The following CCNJL variants were observed in gnomAD, a reference collection of about 807,000 sequenced individuals.
The protein encoded by CCNJL is cyclin-J-like protein.
Under a neutral mutation model 33.4 loss-of-function variants are expected in CCNJL, and 33 were observed. The observed-to-expected ratio is 0.99, with a 90% CI of 0.75 to 1.32. CCNJL has a LOEUF of 1.32. CCNJL is among the 40% of genes most tolerant of loss of function. The probability of loss-of-function intolerance (pLI) is 0.00; values close to 1 mark genes in which losing one functional copy is unlikely to be tolerated. For missense variants in CCNJL, 512 were observed against 499.7 expected, an observed-to-expected ratio of 1.02 and a Z score of -0.23; for synonymous variants, 227 against 220.9, an observed-to-expected ratio of 1.03 and a Z score of -0.24.
chr5:160,330,663 T>G (rs553738401), intron 1 of CCNJL, among the ~76,000 whole-genome samples: 2 of 104,438 alleles, frequency 1.9e-5, no homozygotes, highest in East Asian at 5.0e-4. Context: ...CTCCTGTCTT[T>G]TCTTTTCTTT....
At chr5:160,313,479 G>C (rs1371472751), upstream of CCNJL, among the ~76,000 whole-genome samples, 3 of 152,176 alleles carry the variant, frequency 2.0e-5, no homozygotes, top group Non-Finnish European at 4.4e-5. Flanking sequence ...TGAACACTCA[G>C]TAAACAACTG....
chr5:160,255,389 T>C, intron 5 of CCNJL, 160 bp downstream of exon 5: 1 of 585,134 alleles, frequency 1.7e-6, no homozygotes, highest in Non-Finnish European at 3.1e-6. Context: ...GAAACCCCAC[T>C]TCTACCAGGA....
intron 3 of CCNJL, among the ~76,000 whole-genome samples, chr5:160,273,980 G>T (rs528365144): frequency 3.9e-5 from 6 of 152,034 alleles, no homozygotes; most frequent in Admixed American, 2.6e-4. Context: ...AGGCAAATTC[G>T]CAAGAACAGA....
At chr5:160,292,604 G>A (rs1469149797) in intron 2 of CCNJL, among the ~76,000 whole-genome samples, 1 of 152,084 alleles carries the variant, frequency 6.6e-6, no homozygotes, top group Admixed American at 6.6e-5. Context: ...CTGGGTGACA[G>A]TGAGACCCTG....
chr5:160,313,399 T>C (rs764573365), upstream of CCNJL, among the ~76,000 whole-genome samples: 1 of 152,168 alleles, frequency 6.6e-6, no homozygotes, highest in African/African-American at 2.4e-5. Flanking sequence ...GAAATAAAAG[T>C]TAAACCAACC....
At chr5:160,329,089 G>A (rs1226022119) in intron 1 of CCNJL, among the ~76,000 whole-genome samples, 1 of 152,154 alleles carries the variant, frequency 6.6e-6, no homozygotes, top group Non-Finnish European at 1.5e-5. Context: ...GAGGTAAAGG[G>A]AAGAGGAAGC....
intron 3 of CCNJL, chr5:160,261,233 G>A (rs921698252): frequency 3.3e-5 from 5 of 152,146 alleles, no homozygotes; most frequent in Admixed American, 1.3e-4. Context: ...AATCAACCAC[G>A]TCTCAGCAAG....
At chr5:160,255,930 C>T (rs987479878) in intron 4 of CCNJL, among the ~76,000 whole-genome samples, 17 of 152,140 alleles carry the variant, frequency 1.1e-4, no homozygotes, top group Non-Finnish European at 2.4e-4. Context: ...GCTCTGTTGC[C>T]CAGGCTGGAG....
intron 1 of CCNJL, among the ~76,000 whole-genome samples, chr5:160,335,124 G>A (rs1308836595): frequency 1.3e-5 from 2 of 152,146 alleles, no homozygotes; most frequent in Non-Finnish European, 2.9e-5. Context: ...TTAGTCAGGT[G>A]TGGTGGCATG....
chr5:160,283,010 CATATA>C (rs1762288407), intron 2 of CCNJL, among the ~76,000 whole-genome samples: 2 of 27,968 alleles, frequency 7.2e-5, no homozygotes, highest in South Asian at 3.1e-3. Context: ...TATATATATA[CATATA>C]TATATATATA....
intron 2 of CCNJL, among the ~76,000 whole-genome samples, chr5:160,299,947 T>G (rs1169548984): frequency 6.6e-6 from 1 of 152,046 alleles, no homozygotes; most frequent in Non-Finnish European, 1.5e-5. Flanking sequence ...GACCGCAGTG[T>G]GGCCAATTTC....
chr5:160,297,407 C>T (rs1762780979), intron 2 of CCNJL, among the ~76,000 whole-genome samples: 1 of 152,232 alleles, frequency 6.6e-6, no homozygotes, highest in East Asian at 1.9e-4. Context: ...TTCTTCCTAA[C>T]TAGAATGCTG....
chr5:160,260,567 C>G (rs1761277530), intron 3 of CCNJL, among the ~76,000 whole-genome samples: 1 of 152,120 alleles, frequency 6.6e-6, no homozygotes, highest in Non-Finnish European at 1.5e-5. Flanking sequence ...TGTGGATGCT[C>G]TCAGGGAACA....
At chr5:160,313,895 G>C (rs796070141), upstream of CCNJL, among the ~76,000 whole-genome samples, 1 of 152,360 alleles carries the variant, frequency 6.6e-6, no homozygotes, top group South Asian at 2.1e-4. Flanking sequence ...GGCGGGGCGC[G>C]GTGGCTCACG....
intron 1 of CCNJL, among the ~76,000 whole-genome samples, chr5:160,323,900 G>C (rs1162949979): frequency 6.6e-6 from 1 of 152,234 alleles, no homozygotes; most frequent in African/African-American, 2.4e-5. Flanking sequence ...TTTGGACTCA[G>C]ATTGAAACAT....
intron 3 of CCNJL, among the ~76,000 whole-genome samples, chr5:160,275,528 A>G (rs1304906805): frequency 6.6e-6 from 1 of 152,086 alleles, no homozygotes; most frequent in East Asian, 1.9e-4. Context: ...TCTGTGGCCC[A>G]GGCTGGAGTG....
intron 2 of CCNJL, chr5:160,281,498 T>C (rs540386792): frequency 6.5e-6 from 1 of 152,688 alleles, no homozygotes; most frequent in South Asian, 2.1e-4. Context: ...ATATATATAC[T>C]GCCACATTAC....
chr5:160,253,758 T>C lies in CCNJL; in HGVS notation c.784A>G (p.Ser262Gly), dbSNP rs1231445575. 2.6e-6 allele frequency: 4 copies of C among 1,538,404 alleles called. No homozygotes were observed. Among genetic ancestry groups the C allele is most frequent in the South Asian group, 1.2e-5 (1 of 81,044 alleles). ...NVLKDAVAVK[S>G]QALAMVPGTP... is the part of the protein sequence containing the mutation. The stretch of plus-strand genomic sequence containing the variant: ...CCGGGCACCATTGCCAAGGCCTGGC[T>C]CTTGACGGCTACGGCATCCTTGAGG... Residue 262 changes from serine (S) to glycine (G), a missense_variant, in exon 6 of 6, where the codon AGC becomes GGC. By Grantham distance (56) the Ser-to-Gly change is moderately conservative (BLOSUM62 0). Transcript: ENST00000257536.
rs1364529295 is a variant in CCNJL at position 160,251,367 on chromosome 5, TG to T, written c.*2010del. Reference sequence around the variant, plus strand: ...TTAGACCACAGCCTCTGCAATCACATGAGCCAATTCCTTAAAATAAATCTCT... The same window carrying T: ...TTAGACCACAGCCTCTGCAATCACATAGCCAATTCCTTAAAATAAATCTCT... On this transcript the variant is annotated 3_prime_UTR_variant, in exon 6 of 6. Coordinates refer to ENST00000257536, the MANE Select transcript of CCNJL (RefSeq NM_001308173.3). The T allele has an allele frequency of 1.3e-5, 2 of 152,260 alleles. No individual in the cohort carries two copies. The highest frequency in any genetic ancestry group is 2.9e-5 in the Non-Finnish European group (2 of 68,066). 9.4% of individuals were successfully genotyped at this position (152,260 alleles called of 1,614,324 possible). A position where few individuals can be genotyped will look rare whatever the true frequency, so the allele number is the denominator to read the frequency against.
Sources: gnomAD v4.1 joint callset for allele counts (sites outside exome capture counted in the v4.1 genomes callset) on GRCh38, gnomAD v4.1.1 for gene constraint, MANE v1.5 for transcripts, NCBI Gene and HGNC (gene_info 2026-07-23, HGNC 2026-07-21) for gene names.